CSMD1: variants seen among roughly 807,000 people sequenced by gnomAD.
CSMD1 encodes CUB and sushi domain-containing protein 1.
CSMD1 carries 213 observed loss-of-function variants against 417.5 expected under a neutral mutation model. The observed-to-expected ratio is 0.51, with a 90% CI of 0.46 to 0.57. The LOEUF is 0.57. Ranked by LOEUF, CSMD1 falls within the 20% of genes least tolerant of loss-of-function variation. The pLI is 0.00. For missense variants in CSMD1, 6,923 were observed against 4,529.7 expected (o/e 1.53, Z -15.17); for synonymous variants, 2,862 against 1,736.8 (o/e 1.65, Z -16.11).
chr8:3,135,722 C>T, intron 41 of CSMD1, among the ~76,000 whole-genome samples: 1 of 152,140 alleles, frequency 6.6e-6, no homozygotes, highest in Non-Finnish European at 1.5e-5. Flanking sequence ...ATTTCTGACT[C>T]TGTGACCCAA....
intron 5 of CSMD1, among the ~76,000 whole-genome samples, chr8:3,902,999 G>A (rs1807858550): frequency 1.3e-5 from 2 of 151,986 alleles, no homozygotes; most frequent in Admixed American, 1.3e-4. Context: ...ATTCTTTCTA[G>A]TCTTACGATG....
chr8:3,442,642 G>A (rs1554554044), intron 12 of CSMD1, among the ~76,000 whole-genome samples: 1 of 148,584 alleles, frequency 6.7e-6, no homozygotes, highest in Non-Finnish European at 1.5e-5. Flanking sequence ...TGCACTCCAC[G>A]ATGTTTGCAT....
intron 25 of CSMD1, among the ~76,000 whole-genome samples, chr8:3,294,044 A>T (rs560502045): frequency 5.1e-4 from 77 of 152,308 alleles, no homozygotes; most frequent in African/African-American, 1.8e-3. Context: ...TCCTTCTAAC[A>T]GTCAGGACCC....
intron 3 of CSMD1, among the ~76,000 whole-genome samples, chr8:4,166,910 T>C (rs765539525): frequency 1.3e-5 from 2 of 152,228 alleles, no homozygotes; most frequent in Admixed American, 6.5e-5. Flanking sequence ...AGCCTCATTT[T>C]GAATGCTCAG....
intron 3 of CSMD1, among the ~76,000 whole-genome samples, chr8:4,198,989 A>G (rs1799496964): frequency 6.6e-6 from 1 of 151,904 alleles, no homozygotes; most frequent in Admixed American, 6.6e-5. Flanking sequence ...TCCTCCTGTA[A>G]TCCTTTGCAA....
At chr8:2,984,350 T>A (rs1343049664) in intron 54 of CSMD1, among the ~76,000 whole-genome samples, 2 of 151,962 alleles carry the variant, frequency 1.3e-5, no homozygotes, top group African/African-American at 4.8e-5. Flanking sequence ...ATTTATTTAC[T>A]TTTTCTTTTT....
chr8:3,597,078 C>G (rs1174053647), intron 8 of CSMD1, among the ~76,000 whole-genome samples: 1 of 152,230 alleles, frequency 6.6e-6, no homozygotes, highest in Non-Finnish European at 1.5e-5. Context: ...AGAGCCACCT[C>G]ACCCAAACGC....
chr8:4,384,323 C>T (rs1377453421), intron 3 of CSMD1, among the ~76,000 whole-genome samples: 1 of 152,156 alleles, frequency 6.6e-6, no homozygotes, highest in Non-Finnish European at 1.5e-5. Context: ...CGAAATCTAC[C>T]TCATGGCAAC....
chr8:4,408,610 G>C (rs954191589), intron 3 of CSMD1, among the ~76,000 whole-genome samples: 4 of 152,182 alleles, frequency 2.6e-5, no homozygotes, highest in African/African-American at 9.7e-5. Flanking sequence ...AGAAATGTCT[G>C]ATAATGGAAA....
intron 1 of CSMD1, among the ~76,000 whole-genome samples, chr8:4,697,792 C>T (rs1807236732): frequency 6.6e-6 from 1 of 152,194 alleles, no homozygotes; most frequent in African/African-American, 2.4e-5. Context: ...AAAATACACA[C>T]ACATTCTCAT....
At chr8:4,239,464 G>C (rs1004904744) in intron 3 of CSMD1, among the ~76,000 whole-genome samples, 1 of 152,146 alleles carries the variant, frequency 6.6e-6, no homozygotes, top group Non-Finnish European at 1.5e-5. Context: ...TCAGTGCAAG[G>C]AGAGATGTAG....
chr8:3,468,779 G>A lies in CSMD1; in HGVS notation c.1494C>T (p.Asn498=). Residue 498 remains asparagine (N), a synonymous_variant, in exon 12 of 70, where the codon AAC becomes AAT. Coordinates refer to ENST00000635120, the MANE Select transcript of CSMD1 (RefSeq NM_033225.6). Reference sequence around the variant, plus strand: ...CCGACTGCAGATGTAGCCACATCTGGTTGCTCATGCTCACAATGAGGTCAG... The same window carrying A: ...CCGACTGCAGATGTAGCCACATCTGATTGCTCATGCTCACAATGAGGTCAG... ...SVPDLIVSMS[N]QMWLHLQSDD... The A allele has an allele frequency of 6.2e-7, 1 of 1,605,880 alleles. No homozygotes were observed. The highest frequency in any genetic ancestry group is 8.5e-7 in the Non-Finnish European group (1 of 1,176,296).
chr8:4,222,928 A>G (rs573232878), intron 3 of CSMD1, among the ~76,000 whole-genome samples: 1 of 152,178 alleles, frequency 6.6e-6, no homozygotes, highest in Non-Finnish European at 1.5e-5. Context: ...TTTATAATCC[A>G]AGTCCTAAAA....
chr8:4,481,759 T>A (rs1035184392), intron 2 of CSMD1, among the ~76,000 whole-genome samples: 2 of 152,214 alleles, frequency 1.3e-5, no homozygotes, highest in East Asian at 3.9e-4. Context: ...TTAGATACTG[T>A]GCCTAGTATA....
chr8:4,808,781 T>G (rs1247221677), intron 1 of CSMD1, among the ~76,000 whole-genome samples: 2 of 152,200 alleles, frequency 1.3e-5, no homozygotes, highest in Non-Finnish European at 2.9e-5. Context: ...TTGGTATCAT[T>G]TTTCATATTC....
intron 3 of CSMD1, among the ~76,000 whole-genome samples, chr8:4,342,706 A>G (rs546083342): frequency 6.6e-6 from 1 of 152,088 alleles, no homozygotes; most frequent in South Asian, 2.1e-4. Context: ...GATTCCCAGG[A>G]GGTTAGCAAA....
intron 2 of CSMD1, among the ~76,000 whole-genome samples, chr8:4,470,655 T>C (rs1172971049): frequency 6.6e-6 from 1 of 152,160 alleles, no homozygotes; most frequent in African/African-American, 2.4e-5. Context: ...CAGTGAGATT[T>C]CTAAACGGCC....
chr8:4,107,479 C>T (rs925796137), intron 3 of CSMD1, among the ~76,000 whole-genome samples: 8 of 152,148 alleles, frequency 5.3e-5, no homozygotes, highest in African/African-American at 1.9e-4. Context: ...ACAAGTGAAA[C>T]GGATATTTCA....
At chr8:3,371,439 G>A (rs185501201) in intron 18 of CSMD1, among the ~76,000 whole-genome samples, 1 of 151,082 alleles carries the variant, frequency 6.6e-6, no homozygotes, top group Non-Finnish European at 1.5e-5. Flanking sequence ...ACATCACTCA[G>A]TGTCACAATT....
Sources: gnomAD v4.1 joint callset for allele counts (sites outside exome capture counted in the v4.1 genomes callset) on GRCh38, gnomAD v4.1.1 for gene constraint, MANE v1.5 for transcripts, NCBI Gene and HGNC (gene_info 2026-07-23, HGNC 2026-07-21) for gene names.